Variants in MPHOSPH8 observed in about 807,000 individuals in gnomAD.
MPHOSPH8 encodes M-phase phosphoprotein 8, also known as M-phase phosphoprotein, mpp.
A neutral mutation model predicts 87.3 loss-of-function variants in MPHOSPH8; 45 were observed. The ratio of observed to expected loss-of-function variants is 0.52; its 90% CI spans 0.41 to 0.66. MPHOSPH8 has a LOEUF of 0.66. MPHOSPH8 is among the 30% of genes least tolerant of loss of function. MPHOSPH8 has a pLI of 0.00. For missense variants in MPHOSPH8, 883 were observed against 1,020.2 expected (o/e 0.87, Z 1.83); for synonymous variants, 366 against 376.9 (o/e 0.97, Z 0.33).
intron 10 of MPHOSPH8, 150 bp downstream of exon 10, chr13:19,666,729 T>A (rs1875838959): frequency 6.6e-6 from 4 of 604,140 alleles, no homozygotes; most frequent in Non-Finnish European, 1.0e-5. Flanking sequence ...ATCACAGATT[T>A]AATAAATGGC....
chr13:19,665,097 G>A (rs1183568292), intron 9 of MPHOSPH8, among the ~76,000 whole-genome samples: 1 of 152,096 alleles, frequency 6.6e-6, no homozygotes, highest in Non-Finnish European at 1.5e-5. Context: ...TGGGGAGTGG[G>A]GTGCAGAGGG....
chr13:19,647,226 A>C lies in MPHOSPH8; in HGVS notation c.1153A>C (p.Thr385Pro). ...GAAGCTGATGCCTGTATCTGCCCAAACGCCAAAGGGCCGGAGGTTGAGCGG... is the reference window on the plus strand; with the variant it reads ...GAAGCTGATGCCTGTATCTGCCCAACCGCCAAAGGGCCGGAGGTTGAGCGG... The part of the protein sequence containing the change: ...LEKLMPVSAQ[T>P]PKGRRLSGEE... The change falls in exon 3 of 14, where the codon ACG becomes CCG. Residue 385 changes from threonine (T) to proline (P), a missense_variant. Coordinates refer to ENST00000361479, the MANE Select transcript of MPHOSPH8 (RefSeq NM_017520.4). 1 of 1,614,024 alleles carries C rather than the reference A, an allele frequency of 6.2e-7. No homozygotes were observed. Among genetic ancestry groups the C allele is most frequent in the Admixed American group, 1.7e-5 (1 of 59,964 alleles).
At chr13:19,655,898 G>C (rs1253666594) in intron 5 of MPHOSPH8, among the ~76,000 whole-genome samples, 1 of 152,118 alleles carries the variant, frequency 6.6e-6, no homozygotes, top group Non-Finnish European at 1.5e-5. Context: ...GATCGCTTGA[G>C]CTCAGAAGTT....
Position 19,646,424 on chromosome 13 carries a change from T to C in MPHOSPH8, c.370-19T>C, listed in dbSNP as rs373453925. The C allele has an allele frequency of 2.9e-6, 4 of 1,398,830 alleles. No homozygotes were observed. Among genetic ancestry groups the C allele is most frequent in the Non-Finnish European group, 3.7e-6 (4 of 1,069,692 alleles). The allele number at this position is 1,398,830 out of a possible 1,614,324, so 86.7% of individuals were successfully genotyped here. On this transcript the variant is annotated intron_variant, in intron 2 of 13. Transcript: ENST00000361479. ...ATCAATATGTTAATGAATATTTTAA[T>C]CTGTTTTGTATTTTATAGAGACTAT...
chr13:19,646,660 A>C lies in MPHOSPH8; in HGVS notation c.587A>C (p.Asp196Ala). ...AGCTCCTTGGAAAGTTTAGTTTTTG[A>C]TTTAAGGACAAAGAAAAGAATTTCT... Reference protein sequence around the residue: ...LESSLESLVFDLRTKKRISEA... With the variant: ...LESSLESLVFALRTKKRISEA... The change falls in exon 3 of 14, where the codon GAT (aspartate) becomes GCT (alanine). Residue 196 changes from aspartate (D) to alanine (A), a missense_variant. Transcript: ENST00000361479. The C allele has an allele frequency of 1.9e-6, 3 of 1,592,782 alleles. No individual in the cohort carries two copies. In the East Asian group the frequency reaches 6.7e-5, roughly 36 times the overall value.
At chr13:19,633,991 G>C in intron 1 of MPHOSPH8, 30 bp downstream of exon 1, 1 of 1,589,114 alleles carries the variant, frequency 6.3e-7, no homozygotes, top group Non-Finnish European at 8.6e-7. Context: ...CGCGGGGCTG[G>C]GCGGGGAGCT....
chr13:19,650,103 G>A lies in MPHOSPH8; in HGVS notation c.1419G>A (p.Leu473=), dbSNP rs769138133. Residue 473 remains leucine (L), a synonymous_variant, in exon 5 of 14, where the codon CTG becomes CTA. Coordinates refer to ENST00000361479, the MANE Select transcript of MPHOSPH8 (RefSeq NM_017520.4). ...ATCGGAAAAGGGAAGAAATACCACTGGATTTTAAAACCATAGACGATCACA... is the reference window on the plus strand; with the variant it reads ...ATCGGAAAAGGGAAGAAATACCACTAGATTTTAAAACCATAGACGATCACA... ...ENNRKREEIP[L]DFKTIDDHKT... 6.2e-7 allele frequency: 1 copy of A among 1,613,826 alleles called. No homozygotes were observed. Among genetic ancestry groups the A allele is most frequent in the Admixed American group, 1.7e-5 (1 of 59,970 alleles).
At chr13:19,661,964 C>T (rs1443050422) in intron 8 of MPHOSPH8, 126 bp downstream of exon 8, 20 of 1,141,960 alleles carry the variant, frequency 1.8e-5, no homozygotes, top group African/African-American at 1.5e-4. Flanking sequence ...TTTTTTTAGA[C>T]GGAGTCTCGC....
At chr13:19,645,286 G>A (rs1339150244) in intron 2 of MPHOSPH8, among the ~76,000 whole-genome samples, 1 of 152,214 alleles carries the variant, frequency 6.6e-6, no homozygotes, top group Non-Finnish European at 1.5e-5. Flanking sequence ...TTTTGGTAAG[G>A]CCTGTGTGGT....
intron 9 of MPHOSPH8, among the ~76,000 whole-genome samples, chr13:19,664,969 G>A (rs1290145629): frequency 1.3e-5 from 2 of 152,140 alleles, no homozygotes; most frequent in Non-Finnish European, 2.9e-5. Context: ...CAGAGGAGGA[G>A]GAGGAAGTGG....
At chr13:19,643,063 T>C (rs1260253407) in intron 2 of MPHOSPH8, among the ~76,000 whole-genome samples, 1 of 152,222 alleles carries the variant, frequency 6.6e-6, no homozygotes, top group Non-Finnish European at 1.5e-5. Context: ...CTAATGGACT[T>C]CTACTGAACT....
chr13:19,671,989 G>A lies in MPHOSPH8; in HGVS notation c.*114G>A, dbSNP rs1219360095. 9.3e-7 allele frequency: 1 copy of A among 1,077,192 alleles called. No homozygotes were observed. Among genetic ancestry groups the A allele is most frequent in the African/African-American group, 1.6e-5 (1 of 63,936 alleles). 66.7% of individuals were successfully genotyped at this position (1,077,192 alleles called of 1,614,324 possible). A position where few individuals can be genotyped will look rare whatever the true frequency, so the allele number is the denominator to read the frequency against. On this transcript the variant is annotated 3_prime_UTR_variant, in exon 14 of 14. Transcript: ENST00000361479. The stretch of plus-strand genomic sequence containing the variant: ...GTAAAGTTTTGTCTGTAAACCTCTT[G>A]CAGTTAAGCCTGTTGTCTGTTGTAG...
chr13:19,663,235 C>CA, intron 9 of MPHOSPH8, 109 bp downstream of exon 9: 2 of 974,968 alleles, frequency 2.1e-6, no homozygotes, highest in South Asian at 2.8e-5. Context: ...GAGTGGGTAC[C>CA]AAGACAGTCC....
At chr13:19,641,579 G>A (rs1874295074) in intron 1 of MPHOSPH8, among the ~76,000 whole-genome samples, 1 of 142,078 alleles carries the variant, frequency 7.0e-6, no homozygotes, top group African/African-American at 2.7e-5. Flanking sequence ...TGCAACCTCT[G>A]CCTTCTGGGT....
chr13:19,634,935 A>G (rs542557327), intron 1 of MPHOSPH8, among the ~76,000 whole-genome samples: 3 of 152,318 alleles, frequency 2.0e-5, no homozygotes, highest in South Asian at 2.1e-4. Context: ...GCATTCATTC[A>G]GCATTTTTTA....
At chr13:19,665,795 G>A (rs1875781918) in intron 9 of MPHOSPH8, among the ~76,000 whole-genome samples, 1 of 152,214 alleles carries the variant, frequency 6.6e-6, no homozygotes, top group South Asian at 2.1e-4. Context: ...GAAGAATTAA[G>A]GGACTTATCT....
intron 12 of MPHOSPH8, 88 bp downstream of exon 12, chr13:19,670,451 A>T: frequency 7.0e-7 from 1 of 1,425,188 alleles, no homozygotes; most frequent in Non-Finnish European, 9.6e-7. Flanking sequence ...GTGTCTTAAT[A>T]AAATATAAGC....
Position 19,647,189 on chromosome 13 carries a change from T to A in MPHOSPH8, c.1116T>A (p.Ala372=), listed in dbSNP as rs768424656. ...KQRNQDRSKS[A]AELEKLMPVS... ...GGAATCAAGACAGAAGCAAAAGTGCTGCAGAGTTAGAGAAGCTGATGCCTG... is the reference window on the plus strand; with the variant it reads ...GGAATCAAGACAGAAGCAAAAGTGCAGCAGAGTTAGAGAAGCTGATGCCTG... The change falls in exon 3 of 14, where the codon GCT becomes GCA. Residue 372 remains alanine (A), a synonymous_variant. Transcript: ENST00000361479. The A allele has an allele frequency of 1.3e-5, 21 of 1,614,000 alleles. No individual in the cohort carries two copies. The South Asian group carries it at 2.2e-4, about 17-fold the overall frequency.
chr13:19,650,159 A>G lies in MPHOSPH8; in HGVS notation c.1475A>G (p.Glu492Gly), dbSNP rs921930666. The G allele has an allele frequency of 3.1e-6, 5 of 1,614,084 alleles. No homozygotes were observed. The African/African-American group carries it at 5.3e-5, about 17-fold the overall frequency. ...AAGGAAAACAAACAGTCACTTAAAG[A>G]AAGGAGAAACACCAGAGACGAAACG... is the stretch of plus-strand genomic sequence containing the variant. ...KTKENKQSLKERRNTRDETDT... is the reference protein window; with the variant it reads ...KTKENKQSLKGRRNTRDETDT... Residue 492 changes from glutamate (E) to glycine (G), a missense_variant, in exon 5 of 14, where the codon GAA becomes GGA. Glu to Gly is a moderately conservative substitution (Grantham distance 98). This residue lies in a region of MPHOSPH8 where 741 missense variants were observed against 841.5 expected (regional missense o/e 0.88). Transcript: ENST00000361479.
Sources: gnomAD v4.1 joint callset for allele counts (sites outside exome capture counted in the v4.1 genomes callset) on GRCh38, gnomAD v4.1.1 for gene constraint, gnomAD v4.1.1 regional missense constraint, MANE v1.5 for transcripts, NCBI Gene and HGNC (gene_info 2026-07-23, HGNC 2026-07-21) for gene names.